SYT9: variants seen among roughly 807,000 people sequenced by gnomAD.
The protein encoded by SYT9 is synaptotagmin-9.
Under a neutral mutation model 48.4 loss-of-function variants are expected in SYT9, and 22 were observed. That is an observed-to-expected ratio of 0.45 (90% CI 0.32 to 0.65). The LOEUF is 0.65. SYT9 is among the 30% of genes least tolerant of loss of function. The probability of loss-of-function intolerance (pLI) is 0.03; values close to 1 mark genes in which losing one functional copy is unlikely to be tolerated. For synonymous variants in SYT9, 265 were observed against 245.0 expected, an observed-to-expected ratio of 1.08 and a Z score of -0.76; for missense variants, 577 against 622.0, an observed-to-expected ratio of 0.93 and a Z score of 0.77.
At chr11:7,338,598 A>G (rs1484470400) in intron 3 of SYT9, among the ~76,000 whole-genome samples, 1 of 151,902 alleles carries the variant, frequency 6.6e-6, no homozygotes, top group African/African-American at 2.4e-5. Flanking sequence ...CCTTAATTTC[A>G]TTATTTACCC....
chr11:7,405,544 A>G (rs1190590530), intron 3 of SYT9, among the ~76,000 whole-genome samples: 4 of 152,326 alleles, frequency 2.6e-5, no homozygotes, highest in African/African-American at 7.2e-5. Flanking sequence ...TCCTCAAAAC[A>G]TAGTGTCTGT....
At chr11:7,453,345 C>T (rs766374228) in intron 6 of SYT9, among the ~76,000 whole-genome samples, 4 of 152,168 alleles carry the variant, frequency 2.6e-5, no homozygotes, top group Non-Finnish European at 5.9e-5. Flanking sequence ...AGGAGCCAGC[C>T]ATTGGCTTAT....
In SYT9 at chr11:7,263,819, A is replaced by G. The variant is rs146257294; in HGVS notation, c.145+11488A>G. The stretch of plus-strand genomic sequence containing the variant: ...AGTCTAACTAGAGTCTTTCTAAAAG[A>G]GAATGAGAGGAGAGAAATTGAGAGA... On this transcript the variant is annotated intron_variant, in intron 1 of 6. Coordinates refer to ENST00000318881, the MANE Select transcript of SYT9 (RefSeq NM_175733.4). 7.4e-5 allele frequency among the ~76,000 whole-genome samples: 11 copies of G among 149,016 alleles called. No homozygotes were observed. The East Asian group carries it at 2.1e-3, about 29-fold the overall frequency.
chr11:7,429,947 G>A (rs1406341333), intron 6 of SYT9, among the ~76,000 whole-genome samples: 1 of 152,220 alleles, frequency 6.6e-6, no homozygotes, highest in Non-Finnish European at 1.5e-5. Context: ...CTCAGGGCCT[G>A]TGGGAAGCTC....
chr11:7,350,271 C>T (rs1849887567), intron 3 of SYT9, among the ~76,000 whole-genome samples: 1 of 152,156 alleles, frequency 6.6e-6, no homozygotes, highest in Admixed American at 6.5e-5. Context: ...GCTCAAGTTG[C>T]AGTAGATGCT....
chr11:7,330,309 C>T (rs185058024), intron 3 of SYT9, among the ~76,000 whole-genome samples: 130 of 152,114 alleles, frequency 8.5e-4, no homozygotes, highest in Admixed American at 6.3e-3. Flanking sequence ...CAAAAATCTA[C>T]GTACTGCATA....
At position 7,404,565 on chromosome 11, in the gene SYT9, G is replaced by A. The variant is rs927024092; in HGVS notation, c.1045-11477G>A. ...TATTATGCCATTTATACTATATATA[G>A]TATAAGAAACTTACAACAGTTTCAA... On this transcript the variant is annotated intron_variant, in intron 3 of 6. Transcript: ENST00000318881. Among the ~76,000 whole-genome samples the A allele has an allele frequency of 7.2e-5, 11 of 152,094 alleles. No homozygotes were observed. The South Asian group carries it at 2.3e-3, about 32-fold the overall frequency.
chr11:7,301,592 C>T (rs117586375), intron 1 of SYT9, among the ~76,000 whole-genome samples: 1,601 of 152,300 alleles, frequency 0.011, 21 homozygotes, highest in East Asian at 0.043. Context: ...TTTTCTCCTT[C>T]GTTAGAATAT....
intron 1 of SYT9, among the ~76,000 whole-genome samples, chr11:7,268,206 G>T (rs1848226886): frequency 6.6e-6 from 1 of 151,872 alleles, no homozygotes; most frequent in Non-Finnish European, 1.5e-5. Flanking sequence ...GTGAGCACAA[G>T]AATTAAAGGT....
chr11:7,285,011 G>C (rs1180739029), intron 1 of SYT9, among the ~76,000 whole-genome samples: 1 of 152,004 alleles, frequency 6.6e-6, no homozygotes, highest in Non-Finnish European at 1.5e-5. Context: ...TATGGAGTTT[G>C]GGCATTGAGA....
At chr11:7,295,214 G>A (rs1310313076) in intron 1 of SYT9, among the ~76,000 whole-genome samples, 1 of 152,120 alleles carries the variant, frequency 6.6e-6, no homozygotes, top group East Asian at 1.9e-4. Flanking sequence ...TTTACTATAA[G>A]CAGCTAGGAG....
At chr11:7,369,793 A>AC (rs780550497) in intron 3 of SYT9, among the ~76,000 whole-genome samples, 26,733 of 123,940 alleles carry the variant, frequency 0.22, 2,439 homozygotes, top group African/African-American at 0.28. Flanking sequence ...ACACACACAC[A>AC]AACACACACA....
chr11:7,265,656 C>A (rs1848165668), intron 1 of SYT9, among the ~76,000 whole-genome samples: 1 of 138,428 alleles, frequency 7.2e-6, no homozygotes, highest in African/African-American at 2.7e-5. Context: ...TGTTTACTAT[C>A]TATCATGGAT....
chr11:7,420,423 A>C, intron 5 of SYT9, 83 bp from the exon 6 acceptor site: 3 of 1,488,366 alleles, frequency 2.0e-6, no homozygotes, highest in Non-Finnish European at 1.8e-6. Context: ...CACATCCCCA[A>C]TTCCTTCATC....
chr11:7,442,392 C>T (rs1392840632), intron 6 of SYT9, among the ~76,000 whole-genome samples: 4 of 152,180 alleles, frequency 2.6e-5, no homozygotes, highest in Non-Finnish European at 4.4e-5. Context: ...ACCCGTCTTT[C>T]GGAACACTTG....
At chr11:7,247,655 T>TATATATATATAC (rs1197889298), upstream of SYT9, among the ~76,000 whole-genome samples, 2 of 137,548 alleles carry the variant, frequency 1.5e-5, no homozygotes, top group African/African-American at 5.3e-5. Context: ...TATATATATA[T>TATATATATATAC]ACATATGTAT....
At chr11:7,450,745 C>G (rs1206063435) in intron 6 of SYT9, among the ~76,000 whole-genome samples, 1 of 152,158 alleles carries the variant, frequency 6.6e-6, no homozygotes, top group African/African-American at 2.4e-5. Context: ...TACTGGAATT[C>G]CAGTTTAACT....
At chr11:7,423,674 C>A (rs1877852) in intron 6 of SYT9, among the ~76,000 whole-genome samples, 101,548 of 151,970 alleles carry the variant, frequency 0.67, 36,406 homozygotes, top group Non-Finnish European at 0.81. Context: ...TCCTTATGGG[C>A]CTATGTCCTG....
intron 3 of SYT9, among the ~76,000 whole-genome samples, chr11:7,380,896 C>G (rs1326168556): frequency 6.6e-6 from 1 of 152,126 alleles, no homozygotes; most frequent in East Asian, 1.9e-4. Context: ...TATCTTGATA[C>G]ATTTATATTG....
Sources: gnomAD v4.1 joint callset for allele counts (sites outside exome capture counted in the v4.1 genomes callset) on GRCh38, gnomAD v4.1.1 for gene constraint, MANE v1.5 for transcripts, NCBI Gene and HGNC (gene_info 2026-07-23, HGNC 2026-07-21) for gene names.